The following MYRIP variants were observed in gnomAD, a reference collection of about 807,000 sequenced individuals.
MYRIP encodes myosin VIIA and Rab interacting protein.
A neutral mutation model predicts 98.0 loss-of-function variants in MYRIP; 49 were observed. The observed-to-expected ratio is 0.50, with a 90% CI of 0.40 to 0.63. The LOEUF (loss-of-function observed/expected upper bound fraction) is 0.63. Ranked by LOEUF, MYRIP falls within the 30% of genes least tolerant of loss-of-function variation. MYRIP has a pLI of 0.00. For missense variants in MYRIP, 1,004 were observed against 1,058.2 expected (o/e 0.95, Z 0.71); for synonymous variants, 404 against 409.5 (o/e 0.99, Z 0.16).
At chr3:39,853,286 C>T (rs555996900) in intron 1 of MYRIP, among the ~76,000 whole-genome samples, 12 of 152,228 alleles carry the variant, frequency 7.9e-5, no homozygotes, top group African/African-American at 2.4e-4. Context: ...GTGGGATTGC[C>T]GGATCAAATG....
In MYRIP at chr3:40,027,739, G is replaced by A. The variant is rs114488197; in HGVS notation, c.111-16311G>A. Reference sequence around the variant, plus strand: ...TGTCTTTTTTTAAAAAAAATCCTTAGCACCTGTAATAATAGGTGCCTAATA... The same window carrying A: ...TGTCTTTTTTTAAAAAAAATCCTTAACACCTGTAATAATAGGTGCCTAATA... On this transcript the variant is annotated intron_variant, in intron 2 of 16. Transcript: ENST00000302541. Among the ~76,000 whole-genome samples the A allele has an allele frequency of 5.9e-3, 904 of 151,998 alleles. 9 individuals carry two copies. The highest frequency in any genetic ancestry group is 0.02 in the African/African-American group (837 of 41,430).
chr3:40,051,802 C>A (rs992054169), intron 3 of MYRIP, among the ~76,000 whole-genome samples: 3 of 152,144 alleles, frequency 2.0e-5, no homozygotes, highest in Non-Finnish European at 4.4e-5. Context: ...TATCTAGTCA[C>A]TTATTACTTG....
At chr3:40,255,329 T>C (rs981937940) in intron 16 of MYRIP, among the ~76,000 whole-genome samples, 6 of 152,202 alleles carry the variant, frequency 3.9e-5, no homozygotes, top group African/African-American at 1.4e-4. Context: ...GGGGTTTTAC[T>C]TTACAGTGAC....
At chr3:39,865,637 A>G (rs1005259380) in intron 1 of MYRIP, among the ~76,000 whole-genome samples, 11 of 152,206 alleles carry the variant, frequency 7.2e-5, no homozygotes, top group Non-Finnish European at 1.3e-4. Context: ...ACCATCTCAC[A>G]CCAGTCAGAA....
At position 40,019,443 on chromosome 3, in the gene MYRIP, C is replaced by T. The variant is rs139505737; in HGVS notation, c.111-24607C>T. Among the ~76,000 whole-genome samples the T allele has an allele frequency of 3.2e-4, 49 of 152,264 alleles. 1 individual carries two copies. Among genetic ancestry groups the T allele is most frequent in the Non-Finnish European group, 5.4e-4 (37 of 68,020 alleles). On this transcript the variant is annotated intron_variant, in intron 2 of 16. Transcript: ENST00000302541. ...ATCCTTCCTGGCCTAGCACAAGCAG[C>T]GATGCTTCTGTAAACTGCACCCCAC...
chr3:40,229,339 T>A (rs1308916410), intron 11 of MYRIP, among the ~76,000 whole-genome samples: 3 of 152,130 alleles, frequency 2.0e-5, no homozygotes, highest in Admixed American at 2.0e-4. Context: ...AAAATACAAG[T>A]CTTACTCTGC....
chr3:40,096,786 A>G (rs552942273), intron 3 of MYRIP, among the ~76,000 whole-genome samples: 1 of 152,254 alleles, frequency 6.6e-6, no homozygotes, highest in Admixed American at 6.5e-5. Context: ...GGGCAAAGGC[A>G]TCGGCATCTT....
chr3:40,047,292 T>G (rs1194741547), intron 3 of MYRIP, among the ~76,000 whole-genome samples: 3 of 152,260 alleles, frequency 2.0e-5, no homozygotes, highest in Non-Finnish European at 4.4e-5. Flanking sequence ...GTAGTCCCAT[T>G]TCACTTAATC....
In MYRIP at chr3:39,919,696, G is replaced by A. The variant is rs1291179748; in HGVS notation, c.110+18770G>A. Among the ~76,000 whole-genome samples, 369 of 67,310 alleles carry A rather than the reference G, an allele frequency of 5.5e-3. 2 individuals carry two copies. The highest frequency in any genetic ancestry group is 0.028 in the African/African-American group (345 of 12,518). The allele number at this position is 67,310 out of a possible 152,430, so 44.2% of individuals were successfully genotyped here. A position where few individuals can be genotyped will look rare whatever the true frequency, so the allele number is the denominator to read the frequency against. On this transcript the variant is annotated intron_variant, in intron 2 of 16. Transcript: ENST00000302541. ...TGCCATGTGTGCGGGTATGTGTGGT[G>A]TGTGTGTGTGTGTGTGTGTGTGTGT...
chr3:39,945,066 C>T (rs1209230160), intron 2 of MYRIP, among the ~76,000 whole-genome samples: 1 of 151,820 alleles, frequency 6.6e-6, no homozygotes, highest in Non-Finnish European at 1.5e-5. Context: ...TTGGTTGAGC[C>T]CTGTTTCACC....
intron 2 of MYRIP, among the ~76,000 whole-genome samples, chr3:39,987,949 G>T (rs910045468): frequency 6.6e-6 from 1 of 152,172 alleles, no homozygotes; most frequent in Non-Finnish European, 1.5e-5. Context: ...AGAAAATGTG[G>T]CACATATACA....
At chr3:39,962,552 C>G (rs1161504714) in intron 2 of MYRIP, among the ~76,000 whole-genome samples, 2 of 151,432 alleles carry the variant, frequency 1.3e-5, no homozygotes, top group South Asian at 2.1e-4. Context: ...AATGGTGCTT[C>G]TTTGTTTGTC....
intron 2 of MYRIP, among the ~76,000 whole-genome samples, chr3:39,941,979 T>C (rs997132364): frequency 2.0e-5 from 3 of 152,162 alleles, no homozygotes; most frequent in South Asian, 2.1e-4. Flanking sequence ...GAGAAACATA[T>C]CATGTTTGAT....
chr3:40,137,495 G>A (rs369556288), intron 3 of MYRIP, among the ~76,000 whole-genome samples: 93 of 152,122 alleles, frequency 6.1e-4, no homozygotes, highest in African/African-American at 1.9e-3. Flanking sequence ...AACTATTCCA[G>A]TCAATAGAAA....
intron 13 of MYRIP, among the ~76,000 whole-genome samples, chr3:40,249,141 G>A (rs1575680958): frequency 6.6e-6 from 1 of 152,336 alleles, no homozygotes; most frequent in South Asian, 2.1e-4. Context: ...ACAGAATTGT[G>A]GAGGGCTGAG....
Position 40,230,765 on chromosome 3 carries a change from C to T in MYRIP, c.1906-3094C>T, listed in dbSNP as rs548841592. On this transcript the variant is annotated intron_variant, in intron 11 of 16. Transcript: ENST00000302541. The stretch of plus-strand genomic sequence containing the variant: ...CCAGTGGAAAGCAAAATGGGGACAT[C>T]AACCAATGAAGAGATCTTGTCCAGT... 3.9e-5 allele frequency among the ~76,000 whole-genome samples: 6 copies of T among 151,972 alleles called. No homozygotes were observed. In the East Asian group the frequency reaches 1.2e-3, roughly 29 times the overall value.
chr3:39,861,833 A>G (rs1305813375), intron 1 of MYRIP, among the ~76,000 whole-genome samples: 1 of 152,194 alleles, frequency 6.6e-6, no homozygotes, highest in African/African-American at 2.4e-5. Flanking sequence ...TTCAAGAAAT[A>G]TGGAATTATG....
At chr3:39,900,642 T>A (rs1412516335) in intron 1 of MYRIP, 145 bp from the exon 2 acceptor site, 5 of 461,414 alleles carry the variant, frequency 1.1e-5, no homozygotes, top group Non-Finnish European at 1.9e-5. Flanking sequence ...TTGTAAATAT[T>A]TGCTGAGTCT....
At chr3:40,167,858 C>T (rs932389282) in intron 7 of MYRIP, among the ~76,000 whole-genome samples, 3 of 152,164 alleles carry the variant, frequency 2.0e-5, no homozygotes, top group Admixed American at 6.5e-5. Flanking sequence ...GATGAAGAGA[C>T]ACACAGAGCA....
Sources: allele counts gnomAD v4.1 joint callset (sites outside exome capture counted in the v4.1 genomes callset), GRCh38; gene constraint gnomAD v4.1.1; transcripts MANE v1.5; gene names NCBI Gene and HGNC (gene_info 2026-07-23, HGNC 2026-07-21).